Variants in COL4A3 observed in about 807,000 individuals in gnomAD.
COL4A3 encodes collagen type IV alpha 3 chain.
COL4A3 carries 135 observed loss-of-function variants against 217.4 expected under a neutral mutation model. The observed-to-expected ratio is 0.62, with a 90% CI of 0.54 to 0.72. The LOEUF is 0.72. Ranked by LOEUF, COL4A3 falls within the 30% of genes least tolerant of loss-of-function variation. COL4A3 has a pLI of 0.00. For synonymous variants in COL4A3, 690 were observed against 736.3 expected (o/e 0.94, Z 1.02); for missense variants, 1,868 against 2,119.9 (o/e 0.88, Z 2.33).
chr2:227,245,879 C>A, intron 5 of COL4A3, 75 bp from the exon 6 acceptor site: 1 of 990,398 alleles, frequency 1.0e-6, no homozygotes, highest in South Asian at 1.3e-5. Flanking sequence ...CTATTTAAAT[C>A]AGTGCATCTT....
intron 39 of COL4A3, 113 bp downstream of exon 39, chr2:227,294,683 G>C: frequency 1.2e-6 from 1 of 845,670 alleles, no homozygotes; most frequent in South Asian, 1.5e-5. Flanking sequence ...TAGTTACTCA[G>C]TATCCAGACA....
intron 1 of COL4A3, among the ~76,000 whole-genome samples, chr2:227,202,710 G>A (rs1435591006): frequency 7.3e-6 from 1 of 137,890 alleles, no homozygotes; most frequent in Non-Finnish European, 1.5e-5. Context: ...AGTCCGGCCT[G>A]GGAGAAAGTG....
intron 23 of COL4A3, 74 bp downstream of exon 23, chr2:227,267,162 G>A (rs2125982867): frequency 9.9e-7 from 1 of 1,008,162 alleles, no homozygotes; most frequent in East Asian, 2.4e-5. Flanking sequence ...TAAAGGCATT[G>A]GATTGGTGGA....
chr2:227,303,395 A>G (rs1359380380), intron 44 of COL4A3, among the ~76,000 whole-genome samples: 1 of 152,188 alleles, frequency 6.6e-6, no homozygotes, highest in Non-Finnish European at 1.5e-5. Context: ...AATATTCTCT[A>G]TGTGCTGAAA....
intron 18 of COL4A3, among the ~76,000 whole-genome samples, chr2:227,257,960 A>T (rs1285542046): frequency 6.6e-6 from 1 of 152,178 alleles, no homozygotes; most frequent in Non-Finnish European, 1.5e-5. Context: ...ACAAGGGATG[A>T]AGAAGTCAAC....
chr2:227,259,834 C>T lies in COL4A3; in HGVS notation c.1071C>T (p.Gly357=). ...YDTYQEKGDE[G]TPGPPGPRGA... ...CATACCAGGAAAAGGGAGATGAAGG[C>T]ACTCCAGGCCCACCAGGGCCCAGAG... Residue 357 remains glycine (G), a synonymous_variant, in exon 19 of 52, where the codon GGC becomes GGT. Coordinates refer to ENST00000396578, the MANE Select transcript of COL4A3 (RefSeq NM_000091.5). 1 of 1,613,820 alleles carries T rather than the reference C, an allele frequency of 6.2e-7. No individual in the cohort carries two copies. Among genetic ancestry groups the T allele is most frequent in the Admixed American group, 1.7e-5 (1 of 60,020 alleles).
At chr2:227,251,655 C>T (rs1439782849) in intron 11 of COL4A3, among the ~76,000 whole-genome samples, 1 of 152,218 alleles carries the variant, frequency 6.6e-6, no homozygotes, top group Non-Finnish European at 1.5e-5. Flanking sequence ...GATCATCTCA[C>T]ACAGCACATT....
chr2:227,269,987 T>C lies in COL4A3; in HGVS notation c.1575+7T>C. 6.2e-7 allele frequency: 1 copy of C among 1,611,810 alleles called. No homozygotes were observed. On this transcript the variant is annotated splice_region_variant and intron_variant, in intron 24 of 51. Coordinates refer to ENST00000396578, the MANE Select transcript of COL4A3 (RefSeq NM_000091.5). The stretch of plus-strand genomic sequence containing the variant: ...AGGTCTTCCAGGATTTCCAGTAAGA[T>C]TTCATGTTTTTAAATCTTTAGCTTC...
intron 20 of COL4A3, among the ~76,000 whole-genome samples, chr2:227,261,468 A>G (rs773296873): frequency 1.3e-5 from 2 of 152,242 alleles, no homozygotes; most frequent in Non-Finnish European, 2.9e-5. Flanking sequence ...CGGAGGTTGC[A>G]CTGAGCTGAG....
rs566816490 is a variant in COL4A3, at chr2:227,313,539, T to C, written c.*1669T>C. Reference sequence around the variant, plus strand: ...TGCTTTTTGATCTACCTAGGTGGAGTTGGTGGTGCTGATATTTAAATTCAG... The same window carrying C: ...TGCTTTTTGATCTACCTAGGTGGAGCTGGTGGTGCTGATATTTAAATTCAG... On this transcript the variant is annotated 3_prime_UTR_variant, in exon 52 of 52. Coordinates refer to ENST00000396578, the MANE Select transcript of COL4A3 (RefSeq NM_000091.5). 2.6e-5 allele frequency: 4 copies of C among 152,428 alleles called. No homozygotes were observed. The highest frequency in any genetic ancestry group is 7.2e-5 in the African/African-American group (3 of 41,438). 9.4% of individuals were successfully genotyped at this position (152,428 alleles called of 1,614,324 possible). A position where few individuals can be genotyped will look rare whatever the true frequency, so the allele number is the denominator to read the frequency against.
chr2:227,292,508 C>A (rs926394135), intron 37 of COL4A3, among the ~76,000 whole-genome samples: 2 of 152,188 alleles, frequency 1.3e-5, no homozygotes, highest in Non-Finnish European at 2.9e-5. Context: ...CTGGTTTTAT[C>A]ATGTCAGCAA....
intron 1 of COL4A3, among the ~76,000 whole-genome samples, chr2:227,200,643 A>C (rs1358952173): frequency 6.6e-6 from 1 of 152,218 alleles, no homozygotes; most frequent in Non-Finnish European, 1.5e-5. Flanking sequence ...TCAGCAGTAC[A>C]AGCAGGGCTA....
chr2:227,226,939 AAG>A (rs1194877026), intron 1 of COL4A3, among the ~76,000 whole-genome samples: 3 of 151,068 alleles, frequency 2.0e-5, no homozygotes, highest in Non-Finnish European at 4.4e-5. Flanking sequence ...CCTATATAAC[AAG>A]AGAGAAAATA....
At chr2:227,288,011 AG>A (rs1449907260) in intron 34 of COL4A3, among the ~76,000 whole-genome samples, 5 of 152,242 alleles carry the variant, frequency 3.3e-5, no homozygotes, top group Admixed American at 3.3e-4. Context: ...AAAAGCACAA[AG>A]GCAGGCTATA....
rs1171180930 is a variant in COL4A3, at chr2:227,202,914, TAC to T, written c.88-35052_88-35051del. Among the ~76,000 whole-genome samples, 6 of 34,720 alleles carry T rather than the reference TAC, an allele frequency of 1.7e-4. 1 individual carries two copies. Among genetic ancestry groups the T allele is most frequent in the African/African-American group, 3.3e-4 (2 of 6,018 alleles). 22.8% of individuals were successfully genotyped at this position (34,720 alleles called of 152,430 possible). A position where few individuals can be genotyped will look rare whatever the true frequency, so the allele number is the denominator to read the frequency against. On this transcript the variant is annotated intron_variant, in intron 1 of 51. Coordinates refer to ENST00000396578, the MANE Select transcript of COL4A3 (RefSeq NM_000091.5). Reference sequence around the variant, plus strand: ...ATATATGTGTATATATGTGTATATATACATATATGTGTATATATGTGTATATA... The same window carrying T: ...ATATATGTGTATATATGTGTATATATATATATGTGTATATATGTGTATATA...
intron 3 of COL4A3, among the ~76,000 whole-genome samples, chr2:227,243,087 A>T (rs1442501701): frequency 6.6e-6 from 1 of 152,192 alleles, no homozygotes; most frequent in Non-Finnish European, 1.5e-5. Context: ...TTTTAAAAAA[A>T]TTGTTATCTG....
At chr2:227,280,032 A>G in intron 29 of COL4A3, 142 bp downstream of exon 29, 1 of 637,716 alleles carries the variant, frequency 1.6e-6, no homozygotes, top group South Asian at 2.1e-5. Flanking sequence ...AATTTTTTAA[A>G]TGTTTCTCTG....
intron 1 of COL4A3, among the ~76,000 whole-genome samples, chr2:227,214,051 G>A (rs752418312): frequency 2.6e-5 from 4 of 152,082 alleles, no homozygotes; most frequent in Middle Eastern, 3.2e-3. Flanking sequence ...ATGCATTTGA[G>A]GATTAGTTCT....
rs544473799 is a variant in COL4A3, at chr2:227,305,464, G to A, written c.4252+381G>A. On this transcript the variant is annotated intron_variant, in intron 47 of 51. Transcript: ENST00000396578. ...ATGTAGCTAGAAAAATATTACCTTGGTATGAGTAGAAGAGCAACTGAGTAT... is the reference window on the plus strand; with the variant it reads ...ATGTAGCTAGAAAAATATTACCTTGATATGAGTAGAAGAGCAACTGAGTAT... 46 of 191,328 alleles carry A rather than the reference G, an allele frequency of 2.4e-4. 1 individual carries two copies. The South Asian group carries it at 4.0e-3, about 17-fold the overall frequency. The allele number at this position is 191,328 out of a possible 1,614,324, so 11.9% of individuals were successfully genotyped here. A position where few individuals can be genotyped will look rare whatever the true frequency, so the allele number is the denominator to read the frequency against.
Sources: allele counts gnomAD v4.1 joint callset (sites outside exome capture counted in the v4.1 genomes callset), GRCh38; gene constraint gnomAD v4.1.1; transcripts MANE v1.5; gene names NCBI Gene and HGNC (gene_info 2026-07-23, HGNC 2026-07-21).